Variants in SATL1 observed in about 807,000 individuals in gnomAD.
The protein encoded by SATL1 is spermidine/spermine N(1)-acetyltransferase-like protein 1.
In SATL1, 47 loss-of-function variants were observed where a neutral mutation model predicts 51.8. The ratio of observed to expected loss-of-function variants is 0.91; its 90% CI spans 0.72 to 1.16. The LOEUF (loss-of-function observed/expected upper bound fraction) is 1.16, where lower values mean the gene tolerates loss of function less well. SATL1 is among the 50% of genes most tolerant of loss of function. The probability of loss-of-function intolerance (pLI) is 0.00; values close to 1 mark genes in which losing one functional copy is unlikely to be tolerated. For missense variants in SATL1, 520 were observed against 526.4 expected (o/e 0.99, Z 0.12); for synonymous variants, 176 against 182.4 (o/e 0.97, Z 0.28).
intron 2 of SATL1, among the ~76,000 whole-genome samples, chrX:85,195,775 G>A (rs1425612954): frequency 1.8e-5 from 2 of 110,018 alleles, no homozygotes; most frequent in African/African-American, 6.6e-5. Context: ...TTGCCTGGGC[G>A]ACAAGAGCAA....
intron 4 of SATL1, among the ~76,000 whole-genome samples, chrX:85,098,567 A>G (rs1014166155): frequency 2.6e-4 from 29 of 112,024 alleles, no homozygotes; most frequent in Middle Eastern, 9.3e-3. Context: ...GTCACATACC[A>G]AGTCTTAATA....
intron 2 of SATL1, among the ~76,000 whole-genome samples, chrX:85,222,549 G>T (rs183830633): frequency 3.6e-5 from 4 of 111,421 alleles, no homozygotes; most frequent in African/African-American, 1.3e-4. Context: ...GAGAGAGAAA[G>T]AATTTATTCT....
chrX:85,206,285 A>G (rs1927789898), intron 2 of SATL1, among the ~76,000 whole-genome samples: 2 of 111,728 alleles, frequency 1.8e-5, no homozygotes, highest in Non-Finnish European at 3.8e-5. Context: ...TTCAGAGGAA[A>G]AAAGAGCTTA....
intron 2 of SATL1, among the ~76,000 whole-genome samples, chrX:85,208,351 C>T (rs746853641): frequency 9.0e-6 from 1 of 111,205 alleles, no homozygotes; most frequent in African/African-American, 3.3e-5. Flanking sequence ...TGAATAGTGC[C>T]GCAATAAACA....
At chrX:85,192,808 G>A (rs1338392862) in intron 2 of SATL1, among the ~76,000 whole-genome samples, 1 of 111,647 alleles carries the variant, frequency 9.0e-6, no homozygotes, top group Non-Finnish European at 1.9e-5. Context: ...AGACTGCCTA[G>A]TACCTAATAA....
At chrX:85,195,792 G>A (rs1189612493) in intron 2 of SATL1, among the ~76,000 whole-genome samples, 4 of 109,379 alleles carry the variant, frequency 3.7e-5, no homozygotes, top group Admixed American at 3.0e-4. Flanking sequence ...GCAAGACTCC[G>A]TCTTAAATAA....
chrX:85,157,059 G>T (rs1289827878), intron 2 of SATL1, among the ~76,000 whole-genome samples: 4 of 106,994 alleles, frequency 3.7e-5, no homozygotes, highest in Admixed American at 1.0e-4. Context: ...GTTTTAAATC[G>T]AACAAATCAT....
At chrX:85,221,550 A>C (rs763092964) in intron 2 of SATL1, among the ~76,000 whole-genome samples, 2 of 111,548 alleles carry the variant, frequency 1.8e-5, no homozygotes, top group Non-Finnish European at 3.8e-5. Flanking sequence ...CCATCTTGCT[A>C]TGTGCTCTAG....
At chrX:85,116,701 C>T (rs774495794) in intron 2 of SATL1, among the ~76,000 whole-genome samples, 116 of 111,159 alleles carry the variant, frequency 1.0e-3, no homozygotes, top group African/African-American at 3.4e-3. Flanking sequence ...CTGACCATCA[C>T]CTGATGGTCG....
intron 2 of SATL1, among the ~76,000 whole-genome samples, chrX:85,177,007 C>T (rs1196902810): frequency 9.0e-6 from 1 of 111,007 alleles, no homozygotes; most frequent in Non-Finnish European, 1.9e-5. Flanking sequence ...AATGAGTGGC[C>T]TCAATGTAAT....
intron 4 of SATL1, among the ~76,000 whole-genome samples, chrX:85,096,774 C>A (rs2147681482): frequency 9.3e-6 from 1 of 107,149 alleles, no homozygotes; most frequent in Non-Finnish European, 1.9e-5. Flanking sequence ...CAGGGACTGT[C>A]AACTAAGAAT....
At chrX:85,204,755 T>C (rs1927759407) in intron 2 of SATL1, among the ~76,000 whole-genome samples, 1 of 112,026 alleles carries the variant, frequency 8.9e-6, no homozygotes, top group South Asian at 3.7e-4. Context: ...CCACTATTCA[T>C]TCGCCAGATC....
At chrX:85,164,314 GTTA>G (rs1022600902) in intron 2 of SATL1, among the ~76,000 whole-genome samples, 8 of 110,920 alleles carry the variant, frequency 7.2e-5, no homozygotes, top group Non-Finnish European at 1.5e-4. Context: ...TTTTTATTGT[GTTA>G]TTATTTTATA....
intron 1 of SATL1, among the ~76,000 whole-genome samples, chrX:85,239,552 C>G (rs1454709194): frequency 9.0e-6 from 1 of 111,593 alleles, no homozygotes; most frequent in African/African-American, 3.3e-5. Flanking sequence ...ACTAGAATAG[C>G]TCATTACATT....
chrX:85,129,670 C>T (rs1925726751), intron 2 of SATL1, among the ~76,000 whole-genome samples: 1 of 111,728 alleles, frequency 9.0e-6, no homozygotes, highest in Non-Finnish European at 1.9e-5. Flanking sequence ...CTGGCCAGAA[C>T]TTCCAACACT....
chrX:85,099,582 G>C (rs761997709), intron 4 of SATL1, among the ~76,000 whole-genome samples: 1 of 111,400 alleles, frequency 9.0e-6, no homozygotes, highest in African/African-American at 3.3e-5. Context: ...AGGAACGTAA[G>C]GGTGCACCAA....
chrX:85,230,502 G>C (rs1337288914), intron 1 of SATL1, among the ~76,000 whole-genome samples: 1 of 111,783 alleles, frequency 8.9e-6, no homozygotes, highest in Non-Finnish European at 1.9e-5. Flanking sequence ...TATTTGTCTT[G>C]GCATTTATTT....
chrX:85,207,700 T>G (rs2147753597), intron 2 of SATL1: 1 of 111,628 alleles, frequency 9.0e-6, no homozygotes, highest in Non-Finnish European at 1.9e-5. Flanking sequence ...AAAAATGGAA[T>G]CCCTGATTGT....
rs369792603 is a variant in SATL1 at position 85,169,843 on chromosome X, T to G, written c.-313+54362A>C. On this transcript the variant is annotated intron_variant, in intron 2 of 7. Coordinates refer to ENST00000644105, the MANE Select transcript of SATL1 (RefSeq NM_001367857.2). Reference sequence around the variant, plus strand: ...ACATGTATGTTCATTGTAGCACTATTCACAATGGCAAAGACATGAAATCAA... The same window carrying G: ...ACATGTATGTTCATTGTAGCACTATGCACAATGGCAAAGACATGAAATCAA... 1.4e-4 allele frequency among the ~76,000 whole-genome samples: 16 copies of G among 111,737 alleles called. No individual in the cohort carries two copies. The East Asian group carries it at 3.7e-3, about 26-fold the overall frequency.
Sources: gnomAD v4.1 joint callset for allele counts (sites outside exome capture counted in the v4.1 genomes callset) on GRCh38, gnomAD v4.1.1 for gene constraint, MANE v1.5 for transcripts, NCBI Gene and HGNC (gene_info 2026-07-23, HGNC 2026-07-21) for gene names.